Variants in UNC5D observed in about 807,000 individuals in gnomAD.
UNC5D encodes the protein netrin receptor UNC5D.
UNC5D carries 39 observed loss-of-function variants against 105.4 expected under a neutral mutation model. The ratio of observed to expected loss-of-function variants is 0.37; its 90% CI spans 0.29 to 0.48. The LOEUF (loss-of-function observed/expected upper bound fraction) is 0.48. UNC5D is among the 20% of genes least tolerant of loss of function. The pLI, the probability that UNC5D is intolerant of heterozygous loss-of-function variation, is 0.98. For missense variants in UNC5D, 991 were observed against 1,202.4 expected (o/e 0.82, Z 2.60); for synonymous variants, 452 against 450.4 (o/e 1.00, Z -0.04).
intron 4 of UNC5D, among the ~76,000 whole-genome samples, chr8:35,682,348 A>G (rs1253696477): frequency 6.6e-6 from 1 of 152,212 alleles, no homozygotes; most frequent in South Asian, 2.1e-4. Flanking sequence ...ACCAGCTTTC[A>G]GTGAGCTGTG....
intron 1 of UNC5D, among the ~76,000 whole-genome samples, chr8:35,476,797 A>G (rs1467098682): frequency 6.6e-6 from 1 of 152,188 alleles, no homozygotes; most frequent in East Asian, 1.9e-4. Flanking sequence ...TCAGGCTGGA[A>G]AATAAATGAA....
At chr8:35,553,858 G>A (rs765515663) in intron 2 of UNC5D, among the ~76,000 whole-genome samples, 8 of 152,250 alleles carry the variant, frequency 5.3e-5, no homozygotes, top group East Asian at 3.9e-4. Flanking sequence ...GACTGGATTC[G>A]TAAAATAATT....
At chr8:35,723,301 A>C (rs1828681753) in intron 9 of UNC5D, among the ~76,000 whole-genome samples, 1 of 152,186 alleles carries the variant, frequency 6.6e-6, no homozygotes, top group Non-Finnish European at 1.5e-5. Flanking sequence ...AGAGATGAGT[A>C]CCTTCCCTCT....
intron 4 of UNC5D, among the ~76,000 whole-genome samples, chr8:35,666,728 A>T (rs1306334360): frequency 6.6e-6 from 1 of 152,234 alleles, no homozygotes; most frequent in Non-Finnish European, 1.5e-5. Flanking sequence ...TTTGTAACTC[A>T]TGAAACTACC....
intron 14 of UNC5D, among the ~76,000 whole-genome samples, chr8:35,759,927 A>G (rs1801443078): frequency 6.6e-6 from 1 of 152,216 alleles, no homozygotes; most frequent in African/African-American, 2.4e-5. Flanking sequence ...GGTGGAAACA[A>G]GAGATTTTTT....
chr8:35,663,677 CAGAAAA>C (rs929990921), intron 4 of UNC5D, among the ~76,000 whole-genome samples: 34 of 152,090 alleles, frequency 2.2e-4, no homozygotes, highest in African/African-American at 7.7e-4. Flanking sequence ...GAGAAAAAGA[CAGAAAA>C]AGAGAGAATG....
intron 3 of UNC5D, among the ~76,000 whole-genome samples, chr8:35,576,279 A>G (rs1251305379): frequency 1.3e-5 from 2 of 152,238 alleles, no homozygotes; most frequent in Admixed American, 1.3e-4. Context: ...TCAAGAAATC[A>G]TTTCAAATAT....
intron 8 of UNC5D, among the ~76,000 whole-genome samples, chr8:35,716,324 T>A (rs1365233217): frequency 6.6e-6 from 1 of 152,160 alleles, no homozygotes; most frequent in Non-Finnish European, 1.5e-5. Context: ...GTGTAGTTCT[T>A]AGAGAAAGAG....
chr8:35,409,305 A>C (rs925416520), intron 1 of UNC5D, among the ~76,000 whole-genome samples: 2 of 152,042 alleles, frequency 1.3e-5, no homozygotes, highest in East Asian at 3.9e-4. Context: ...GAAATTTAGC[A>C]ACTCTCTCCC....
intron 1 of UNC5D, among the ~76,000 whole-genome samples, chr8:35,516,147 G>C (rs953497109): frequency 2.0e-5 from 3 of 152,010 alleles, no homozygotes; most frequent in African/African-American, 4.8e-5. Flanking sequence ...CTTGAAAAAG[G>C]CTTTCATGAT....
intron 1 of UNC5D, among the ~76,000 whole-genome samples, chr8:35,413,292 T>TGTGTGTGTGTGTGTGTGTGTTGTG (rs56157732): frequency 1.6e-5 from 2 of 127,976 alleles, no homozygotes; most frequent in South Asian, 2.8e-4. Flanking sequence ...TGTGTGTGTG[T>TGTGTGTGTGTGTGTGTGTGTTGTG]TGTGTGTGTG....
At chr8:35,566,517 G>A (rs1241835879) in intron 2 of UNC5D, among the ~76,000 whole-genome samples, 1 of 152,176 alleles carries the variant, frequency 6.6e-6, no homozygotes, top group Non-Finnish European at 1.5e-5. Flanking sequence ...ACAATCAAGT[G>A]TAAGTACTAA....
At chr8:35,339,725 A>G (rs915949519) in intron 1 of UNC5D, among the ~76,000 whole-genome samples, 9 of 152,340 alleles carry the variant, frequency 5.9e-5, no homozygotes, top group South Asian at 2.1e-4. Flanking sequence ...CAAGAACTCC[A>G]GAGACAGAGT....
chr8:35,631,030 G>A (rs1265197973), intron 4 of UNC5D, among the ~76,000 whole-genome samples: 1 of 152,216 alleles, frequency 6.6e-6, no homozygotes, highest in East Asian at 1.9e-4. Flanking sequence ...CATTTGGCCT[G>A]GGCCGGGCAC....
At chr8:35,308,048 G>A (rs1808564066) in intron 1 of UNC5D, among the ~76,000 whole-genome samples, 1 of 151,658 alleles carries the variant, frequency 6.6e-6, no homozygotes, top group South Asian at 2.1e-4. Flanking sequence ...TTCTTACTAA[G>A]AAGAAGGAAA....
Position 35,635,023 on chromosome 8 carries a change from C to T in UNC5D, c.570+39366C>T, listed in dbSNP as rs552297716. Among the ~76,000 whole-genome samples, 5 of 152,270 alleles carry T rather than the reference C, an allele frequency of 3.3e-5. No individual in the cohort carries two copies. In the East Asian group the frequency reaches 9.7e-4, roughly 29 times the overall value. On this transcript the variant is annotated intron_variant, in intron 4 of 16. Coordinates refer to ENST00000404895, the MANE Select transcript of UNC5D (RefSeq NM_080872.4). ...TCAGGCGATCCACCCGCCTTGGCCT[C>T]CCAAAGTGCTGGGATTACAAGCATG...
At chr8:35,352,957 G>GC (rs1434137253) in intron 1 of UNC5D, among the ~76,000 whole-genome samples, 1 of 151,950 alleles carries the variant, frequency 6.6e-6, no homozygotes. Context: ...ATATACTTTT[G>GC]CCTTTTGTGG....
intron 1 of UNC5D, among the ~76,000 whole-genome samples, chr8:35,331,907 A>G (rs905564939): frequency 1.3e-5 from 2 of 152,332 alleles, no homozygotes; most frequent in Non-Finnish European, 2.9e-5. Flanking sequence ...CATATAAAGT[A>G]TAGTTCCAGG....
At chr8:35,640,414 C>A (rs1226459379) in intron 4 of UNC5D, among the ~76,000 whole-genome samples, 3 of 152,054 alleles carry the variant, frequency 2.0e-5, no homozygotes, top group East Asian at 1.9e-4. Context: ...ATAATGTAAC[C>A]CAAAATAATG....
Sources: gnomAD v4.1 joint callset for allele counts (sites outside exome capture counted in the v4.1 genomes callset) on GRCh38, gnomAD v4.1.1 for gene constraint, MANE v1.5 for transcripts, NCBI Gene and HGNC (gene_info 2026-07-23, HGNC 2026-07-21) for gene names.